ALG9: variants seen among roughly 807,000 people sequenced by gnomAD.
The protein encoded by ALG9 is ALG9 alpha-1,2-mannosyltransferase, also known as alpha-1,2-mannosyltransferase ALG9.
Under a neutral mutation model 81.8 loss-of-function variants are expected in ALG9, and 55 were observed. The ratio of observed to expected loss-of-function variants is 0.67; its 90% CI spans 0.54 to 0.84. The LOEUF (loss-of-function observed/expected upper bound fraction) is 0.84, where lower values mean the gene tolerates loss of function less well. Ranked by LOEUF, ALG9 falls within the 40% of genes least tolerant of loss-of-function variation. The pLI, the probability that ALG9 is intolerant of heterozygous loss-of-function variation, is 0.00. For missense variants in ALG9, 629 were observed against 745.0 expected, an observed-to-expected ratio of 0.84 and a Z score of 1.81; for synonymous variants, 278 against 274.3, an observed-to-expected ratio of 1.01 and a Z score of -0.13.
At chr11:111,807,651 A>G (rs923299826) in intron 14 of ALG9, among the ~76,000 whole-genome samples, 1 of 152,246 alleles carries the variant, frequency 6.6e-6, no homozygotes, top group African/African-American at 2.4e-5. Flanking sequence ...CTATATGTCC[A>G]AATCACCTAG....
rs113004884 is a variant in ALG9 at position 111,862,895 on chromosome 11, T to C, written c.477-2260A>G. Among the ~76,000 whole-genome samples the C allele has an allele frequency of 2.0e-5, 3 of 152,254 alleles. 1 individual carries two copies. The highest frequency in any genetic ancestry group is 4.8e-5 in the African/African-American group (2 of 41,550). The stretch of plus-strand genomic sequence containing the variant: ...TTTCAGGTGAACGTTCTGTTGACTG[T>C]TATTTCTGCTGATTCTCACCCATAA... On this transcript the variant is annotated intron_variant, in intron 4 of 14. Transcript: ENST00000616540.
In ALG9 at chr11:111,871,539, A is replaced by G; in HGVS notation, c.-57T>C. On this transcript the variant is annotated 5_prime_UTR_variant, in exon 1 of 15. It removes an upstream start codon present in the reference 5' UTR. Transcript: ENST00000616540. ...CTATGAAGTCGGTGAGCGCGCAGAC[A>G]TAGCTTTGGCTGGCAAACGGTGTCC... The G allele has an allele frequency of 6.5e-7, 1 of 1,534,292 alleles. No homozygotes were observed. The highest frequency in any genetic ancestry group is 8.7e-7 in the Non-Finnish European group (1 of 1,145,830).
intron 14 of ALG9, among the ~76,000 whole-genome samples, chr11:111,792,678 T>C (rs1555071529): frequency 6.6e-6 from 1 of 152,148 alleles, no homozygotes; most frequent in East Asian, 1.9e-4. Context: ...TTCTAAATAA[T>C]GTATTCAGGA....
At chr11:111,846,041 T>C (rs1412053425) in intron 8 of ALG9, among the ~76,000 whole-genome samples, 3 of 152,240 alleles carry the variant, frequency 2.0e-5, no homozygotes, top group Non-Finnish European at 4.4e-5. Flanking sequence ...ATTTTAATCT[T>C]GTATTCTTTA....
intron 13 of ALG9, among the ~76,000 whole-genome samples, chr11:111,828,201 G>A (rs1245069027): frequency 6.6e-6 from 1 of 152,056 alleles, no homozygotes; most frequent in African/African-American, 2.4e-5. Flanking sequence ...CAAAAAAAAA[G>A]GAGATGAACA....
At chr11:111,845,793 G>A (rs1956860882) in intron 8 of ALG9, among the ~76,000 whole-genome samples, 3 of 152,132 alleles carry the variant, frequency 2.0e-5, no homozygotes, top group Non-Finnish European at 4.4e-5. Flanking sequence ...GAAGGCAGAG[G>A]AATAGTCAGA....
chr11:111,810,199 G>A (rs1950511032), intron 13 of ALG9, among the ~76,000 whole-genome samples: 1 of 152,132 alleles, frequency 6.6e-6, no homozygotes, highest in African/African-American at 2.4e-5. Flanking sequence ...CACAGCCATG[G>A]GAGGTTACGC....
At position 111,809,700 on chromosome 11, in the gene ALG9, G is replaced by A. The variant is rs1555089256; in HGVS notation, c.1676C>T (p.Ser559Leu). ...MRETPREPKYSSNKEEWISLA... is the reference protein window; with the variant it reads ...MRETPREPKYLSNKEEWISLA... ...GCTGATCCATTCTTCTTTATTGGAT[G>A]AATATTTTGGCTCCCGGGGTGTTTC... The change falls in exon 14 of 15, where the codon TCA (serine) becomes TTA (leucine). Residue 559 changes from serine (S) to leucine (L), a missense_variant. Physicochemically the swap from Ser to Leu is moderately radical, Grantham distance 145. Around this residue, in one of 3 missense-constraint regions of ALG9, gnomAD observed 264 missense variants for 302.2 expected, o/e 0.87. Coordinates refer to ENST00000616540, the MANE Select transcript of ALG9 (RefSeq NM_024740.2). 1.2e-6 allele frequency: 2 copies of A among 1,614,104 alleles called. No individual in the cohort carries two copies. Among genetic ancestry groups the A allele is most frequent in the Admixed American group, 1.7e-5 (1 of 60,018 alleles).
chr11:111,836,718 A>T (rs1282943362), intron 12 of ALG9: 1 of 209,514 alleles, frequency 4.8e-6, no homozygotes, highest in African/African-American at 2.3e-5. Context: ...ACCCTCAAAC[A>T]TATCTTTATC....
intron 14 of ALG9, chr11:111,805,218 A>T: frequency 2.2e-6 from 1 of 456,094 alleles, no homozygotes; most frequent in South Asian, 1.6e-5. Context: ...TCTTGCAGCC[A>T]TGTGAGGATA....
intron 4 of ALG9, 120 bp from the exon 5 acceptor site, chr11:111,860,755 T>C: frequency 1.4e-6 from 1 of 728,120 alleles, no homozygotes; most frequent in East Asian, 2.8e-5. Flanking sequence ...CAAAACTACC[T>C]TGTCAGGTTT....
intron 8 of ALG9, among the ~76,000 whole-genome samples, chr11:111,847,226 C>T (rs1555131160): frequency 1.3e-5 from 2 of 152,020 alleles, no homozygotes; most frequent in African/African-American, 4.8e-5. Flanking sequence ...TAGAACAGTT[C>T]TGGCTGGCAG....
At chr11:111,793,611 A>C (rs1555072570) in intron 14 of ALG9, among the ~76,000 whole-genome samples, 2 of 151,840 alleles carry the variant, frequency 1.3e-5, no homozygotes, top group Non-Finnish European at 2.9e-5. Context: ...AATACAAAAA[A>C]TTAGCCAGGC....
intron 13 of ALG9, among the ~76,000 whole-genome samples, chr11:111,810,785 A>T (rs1950590569): frequency 6.6e-6 from 1 of 152,164 alleles, no homozygotes; most frequent in Non-Finnish European, 1.5e-5. Context: ...TAAAACCAAA[A>T]AAGAGTCCTC....
chr11:111,862,344 G>A (rs1253568167), intron 4 of ALG9, among the ~76,000 whole-genome samples: 3 of 149,330 alleles, frequency 2.0e-5, no homozygotes, highest in African/African-American at 5.0e-5. Context: ...AGTGATTCTC[G>A]TGCCTCTACC....
intron 13 of ALG9, among the ~76,000 whole-genome samples, chr11:111,812,308 C>G (rs1950841099): frequency 6.6e-6 from 1 of 152,190 alleles, no homozygotes; most frequent in Non-Finnish European, 1.5e-5. Context: ...TGGCTCACAC[C>G]TGTAATCCTA....
chr11:111,830,378 T>C (rs1413978516), intron 13 of ALG9, among the ~76,000 whole-genome samples: 1 of 152,228 alleles, frequency 6.6e-6, no homozygotes, highest in Non-Finnish European at 1.5e-5. Context: ...CCTTGCTAAA[T>C]ACATATTTGT....
At position 111,867,920 on chromosome 11, in the gene ALG9, C is replaced by T. The variant is rs75372044; in HGVS notation, c.405+682G>A. Among the ~76,000 whole-genome samples, 823 of 152,108 alleles carry T rather than the reference C, an allele frequency of 5.4e-3. 3 individuals are homozygous for T. Among genetic ancestry groups the T allele is most frequent in the African/African-American group, 0.019 (772 of 41,496 alleles). On this transcript the variant is annotated intron_variant, in intron 3 of 14. Transcript: ENST00000616540. ...GTTACCGCCAAGTGGAGGTAGAACT[C>T]GAGGTTCCCTACCAGGCCTCCACTG...
chr11:111,817,866 T>G (rs1183606903), intron 13 of ALG9, among the ~76,000 whole-genome samples: 1 of 148,622 alleles, frequency 6.7e-6, no homozygotes, highest in Non-Finnish European at 1.5e-5. Context: ...AACCTCCACC[T>G]CGCAGGTTCA....
Sources: gnomAD v4.1 joint callset for allele counts (sites outside exome capture counted in the v4.1 genomes callset) on GRCh38, gnomAD v4.1.1 for gene constraint, gnomAD v4.1.1 regional missense constraint, MANE v1.5 for transcripts, NCBI Gene and HGNC (gene_info 2026-07-23, HGNC 2026-07-21) for gene names.